Variants in TMED6 observed in about 807,000 individuals in gnomAD.
TMED6 encodes the protein transmembrane p24 trafficking protein 6, also known as transmembrane emp24 domain-containing protein 6.
Under a neutral mutation model 26.5 loss-of-function variants are expected in TMED6, and 17 were observed. That is an observed-to-expected ratio of 0.64 (90% CI 0.44 to 0.96). TMED6 has a LOEUF of 0.96. Ranked by LOEUF, TMED6 falls within the 40% of genes least tolerant of loss-of-function variation. TMED6 has a pLI of 0.00. For missense variants in TMED6, 309 were observed against 296.5 expected (o/e 1.04, Z -0.31); for synonymous variants, 107 against 106.2 (o/e 1.01, Z -0.04).
At position 69,343,614 on chromosome 16, in the gene TMED6, A is replaced by G. The variant is rs1232572884; in HGVS notation, c.516T>C (p.Asn172=). 6.2e-7 allele frequency: 1 copy of G among 1,614,150 alleles called. No individual in the cohort carries two copies. Among genetic ancestry groups the G allele is most frequent in the Non-Finnish European group, 8.5e-7 (1 of 1,180,020 alleles). The change falls in exon 4 of 4, where the codon AAT becomes AAC. Residue 172 remains asparagine, a synonymous_variant. Coordinates refer to ENST00000288025, the MANE Select transcript of TMED6 (RefSeq NM_144676.4). Reference sequence around the variant, plus strand: ...TGTAGTATCGCCACATGTGAAAGATATTGTTCTGCACCTTTTGTGTGCCGT... The same window carrying G: ...TGTAGTATCGCCACATGTGAAAGATGTTGTTCTGCACCTTTTGTGTGCCGT... ...IEDGTQKVQN[N]IFHMWRYYNF...
chr16:69,348,618 A>C (rs759149898), intron 2 of TMED6, among the ~76,000 whole-genome samples: 9 of 151,706 alleles, frequency 5.9e-5, no homozygotes, highest in Non-Finnish European at 8.8e-5. Flanking sequence ...AAAGATGTTC[A>C]AGATCTTTTT....
intron 2 of TMED6, among the ~76,000 whole-genome samples, chr16:69,348,698 C>T (rs940889003): frequency 6.6e-6 from 1 of 152,080 alleles, no homozygotes; most frequent in African/African-American, 2.4e-5. Flanking sequence ...CCACTGCAGT[C>T]TCTGCCTCCA....
chr16:69,348,901 C>T (rs972579475), intron 2 of TMED6, among the ~76,000 whole-genome samples: 5 of 152,220 alleles, frequency 3.3e-5, no homozygotes, highest in African/African-American at 1.2e-4. Flanking sequence ...AGGTGTGAGC[C>T]ACCACGCCCA....
At chr16:69,350,385 C>T (rs999568665) in intron 1 of TMED6, among the ~76,000 whole-genome samples, 2 of 151,794 alleles carry the variant, frequency 1.3e-5, no homozygotes, top group African/African-American at 4.8e-5. Context: ...CTGCAACCTC[C>T]ACCTCCCAGG....
In TMED6 at chr16:69,343,613, T is replaced by C. The variant is rs759044765; in HGVS notation, c.517A>G (p.Ile173Val). Residue 173 changes from isoleucine (I) to valine (V), a missense_variant, in exon 4 of 4, where the codon ATC becomes GTC. Ile to Val is a conservative substitution (Grantham distance 29, BLOSUM62 3). Transcript: ENST00000288025. ...TTGTAGTATCGCCACATGTGAAAGA[T>C]ATTGTTCTGCACCTTTTGTGTGCCG... is the stretch of plus-strand genomic sequence containing the variant. ...EDGTQKVQNN[I>V]FHMWRYYNFA... is the part of the protein sequence containing the mutation. 4 of 1,614,204 alleles carry C rather than the reference T, an allele frequency of 2.5e-6. No individual in the cohort carries two copies. Among genetic ancestry groups the C allele is most frequent in the South Asian group, 2.2e-5 (2 of 91,086 alleles).
chr16:69,346,029 GC>G (rs1225104582), intron 3 of TMED6, among the ~76,000 whole-genome samples: 1 of 152,190 alleles, frequency 6.6e-6, no homozygotes, highest in African/African-American at 2.4e-5. Flanking sequence ...AAGAGAGATG[GC>G]CAATACGCAC....
At chr16:69,346,415 A>G (rs924407449) in intron 3 of TMED6, among the ~76,000 whole-genome samples, 5 of 152,374 alleles carry the variant, frequency 3.3e-5, no homozygotes, top group African/African-American at 1.2e-4. Context: ...CATAAAAAGA[A>G]AAGTACTGAT....
At chr16:69,348,935 T>G (rs1208842001) in intron 2 of TMED6, among the ~76,000 whole-genome samples, 1 of 152,226 alleles carries the variant, frequency 6.6e-6, no homozygotes, top group East Asian at 1.9e-4. Context: ...CTTTTAACAC[T>G]GATACACATG....
chr16:69,348,843 G>A (rs892375420), intron 2 of TMED6, among the ~76,000 whole-genome samples: 4 of 152,174 alleles, frequency 2.6e-5, no homozygotes, highest in Non-Finnish European at 5.9e-5. Flanking sequence ...GCAAACTCCT[G>A]ACCTCAGGTG....
chr16:69,344,527 C>G (rs930160938), intron 3 of TMED6, among the ~76,000 whole-genome samples: 1 of 151,986 alleles, frequency 6.6e-6, no homozygotes, highest in Admixed American at 6.5e-5. Flanking sequence ...AATCCCAGCA[C>G]TTTGGGAGGC....
In TMED6 at chr16:69,347,922, A is replaced by C. The variant is rs774069950; in HGVS notation, c.355T>G (p.Cys119Gly). The change falls in exon 3 of 4, where the codon TGT becomes GGT. Residue 119 changes from cysteine to glycine, a missense_variant. Coordinates refer to ENST00000288025, the MANE Select transcript of TMED6 (RefSeq NM_144676.4). ...AAGTGATTATGCTGATTACTTAGAC[A>C]AAGCTGATAAAAACCTGTAGGAATT... Reference protein sequence around the residue: ...STQETGFYQLCLSNQHNHFGS... With the variant: ...STQETGFYQLGLSNQHNHFGS... 1.9e-6 allele frequency: 3 copies of C among 1,614,050 alleles called. No individual in the cohort carries two copies. The East Asian group carries it at 6.7e-5, about 36-fold the overall frequency.
At chr16:69,350,180 G>A (rs1394868897) in intron 1 of TMED6, among the ~76,000 whole-genome samples, 1 of 150,528 alleles carries the variant, frequency 6.6e-6, no homozygotes, top group Non-Finnish European at 1.5e-5. Context: ...GCTGAGGCAG[G>A]AGAATTGCTT....
chr16:69,344,813 G>A (rs2012656598), intron 3 of TMED6, among the ~76,000 whole-genome samples: 2 of 151,764 alleles, frequency 1.3e-5, no homozygotes, highest in Admixed American at 6.6e-5. Flanking sequence ...AAGTGGCCGG[G>A]CACGGTGGCT....
intron 3 of TMED6, among the ~76,000 whole-genome samples, chr16:69,345,033 G>C (rs1218450425): frequency 6.6e-6 from 1 of 152,134 alleles, no homozygotes; most frequent in African/African-American, 2.4e-5. Context: ...AGGTTGCAGT[G>C]AGCCAAAATT....
intron 3 of TMED6, 76 bp downstream of exon 3, chr16:69,347,712 T>C (rs1460811354): frequency 6.3e-7 from 1 of 1,585,266 alleles, no homozygotes; most frequent in Non-Finnish European, 8.6e-7. Context: ...GGTTTCTACC[T>C]AAATGAAGTC....
chr16:69,344,329 G>A (rs2012646471), intron 3 of TMED6, among the ~76,000 whole-genome samples: 1 of 152,144 alleles, frequency 6.6e-6, no homozygotes, highest in Non-Finnish European at 1.5e-5. Flanking sequence ...GGCTTTGCAG[G>A]CCCCTGTGAC....
chr16:69,343,995 A>ATTT (rs72414863), intron 3 of TMED6, among the ~76,000 whole-genome samples: 1 of 143,890 alleles, frequency 6.9e-6, no homozygotes, highest in Non-Finnish European at 1.5e-5. Context: ...CACCCAGCTA[A>ATTT]TTTTTTTTTT....
rs140344800 is a variant in TMED6 at position 69,344,260 on chromosome 16, ATG to A, written c.490-622_490-621del. 2.7e-3 allele frequency among the ~76,000 whole-genome samples: 413 copies of A among 152,326 alleles called. 5 individuals are homozygous for A. The highest frequency in any genetic ancestry group is 9.1e-3 in the African/African-American group (380 of 41,570). On this transcript the variant is annotated intron_variant, in intron 3 of 3. Coordinates refer to ENST00000288025, the MANE Select transcript of TMED6 (RefSeq NM_144676.4). Reference sequence around the variant, plus strand: ...AGGTGATGTTTTATGTTCTCTGTATATGGTAGAAGACAAGGGCCTGTGGACTT... The same window carrying A: ...AGGTGATGTTTTATGTTCTCTGTATAGTAGAAGACAAGGGCCTGTGGACTT...
At chr16:69,344,020 A>T (rs1334470204) in intron 3 of TMED6, among the ~76,000 whole-genome samples, 1 of 151,232 alleles carries the variant, frequency 6.6e-6, no homozygotes, top group Non-Finnish European at 1.5e-5. Flanking sequence ...TATTGTAGAG[A>T]CAGGGTTTTG....
Sources: allele counts gnomAD v4.1 joint callset (sites outside exome capture counted in the v4.1 genomes callset), GRCh38; gene constraint gnomAD v4.1.1; transcripts MANE v1.5; gene names NCBI Gene and HGNC (gene_info 2026-07-23, HGNC 2026-07-21).